Variants in ALX1 observed in about 807,000 individuals in gnomAD.
ALX1 encodes ALX homeobox 1.
In ALX1, 19 loss-of-function variants were observed where a neutral mutation model predicts 31.7. The observed-to-expected ratio is 0.60, with a 90% confidence interval of 0.42 to 0.88. The LOEUF (loss-of-function observed/expected upper bound fraction) is 0.88, where lower values mean the gene tolerates loss of function less well. Ranked by LOEUF, ALX1 falls within the 40% of genes least tolerant of loss-of-function variation. The pLI, the probability that ALX1 is intolerant of heterozygous loss-of-function variation, is 0.00. For missense variants in ALX1, 415 were observed against 407.8 expected (o/e 1.02, Z -0.15); for synonymous variants, 153 against 148.8 (o/e 1.03, Z -0.20).
chr12:85,296,330 A>AT (rs1896886877), intron 3 of ALX1, among the ~76,000 whole-genome samples: 1 of 151,590 alleles, frequency 6.6e-6, no homozygotes, highest in Non-Finnish European at 1.5e-5. Flanking sequence ...ATATTTATGT[A>AT]TTTTCCCTTC....
chr12:85,295,867 T>C (rs1896881167), intron 3 of ALX1, among the ~76,000 whole-genome samples: 1 of 151,622 alleles, frequency 6.6e-6, no homozygotes, highest in African/African-American at 2.4e-5. Context: ...AATTAGTTGT[T>C]TTGGAGATGC....
intron 1 of ALX1, 124 bp downstream of exon 1, chr12:85,280,611 G>A: frequency 1.0e-6 from 1 of 989,180 alleles, no homozygotes; most frequent in Non-Finnish European, 1.5e-6. Context: ...GGAAGGTGGA[G>A]GAAGGTAGTG....
Position 85,301,405 on chromosome 12 carries a change from G to A in ALX1, c.911G>A (p.Arg304Lys). The change falls in exon 4 of 4, where the codon AGG becomes AAG. Residue 304 changes from arginine to lysine, a missense_variant. Transcript: ENST00000316824. ...AFETKPEFER[R>K]SSSIAVLRMK... The stretch of plus-strand genomic sequence containing the variant: ...GAAACAAAGCCAGAGTTTGAAAGGA[G>A]GTCTTCCAGTATCGCAGTTCTTCGA... 1 of 1,614,060 alleles carries A rather than the reference G, an allele frequency of 6.2e-7. No homozygotes were observed. The highest frequency in any genetic ancestry group is 8.5e-7 in the Non-Finnish European group (1 of 1,179,984).
Position 85,287,081 on chromosome 12 carries a change from C to A in ALX1, c.660+100C>A, listed in dbSNP as rs977903162. 8 of 1,339,768 alleles carry A rather than the reference C, an allele frequency of 6.0e-6. No homozygotes were observed. In the Admixed American group the frequency reaches 1.3e-4, roughly 22 times the overall value. 83.0% of individuals were successfully genotyped at this position (1,339,768 alleles called of 1,614,324 possible). A position where few individuals can be genotyped will look rare whatever the true frequency, so the allele number is the denominator to read the frequency against. On this transcript the variant is annotated intron_variant, in intron 3 of 3. Coordinates refer to ENST00000316824, the MANE Select transcript of ALX1 (RefSeq NM_006982.3). ...GCTTTATTATATGTAAGATAATAGCCAAGAATGAAAATCTAAGCTTCAGAA... is the reference window on the plus strand; with the variant it reads ...GCTTTATTATATGTAAGATAATAGCAAAGAATGAAAATCTAAGCTTCAGAA...
At chr12:85,284,598 T>G (rs1310061548) in intron 2 of ALX1, among the ~76,000 whole-genome samples, 1 of 152,152 alleles carries the variant, frequency 6.6e-6, no homozygotes, top group Non-Finnish European at 1.5e-5. Context: ...ATTCTAGTTA[T>G]TAAATTGGAT....
rs191191612 is a variant in ALX1, at chr12:85,281,913, T to C, written c.226+1426T>C. ...ATGGACTTGATCATAATATTTTATT[T>C]TGAATAGTCGAGAATCCAAAATAAG... On this transcript the variant is annotated intron_variant, in intron 1 of 3. Coordinates refer to ENST00000316824, the MANE Select transcript of ALX1 (RefSeq NM_006982.3). 2.2e-3 allele frequency among the ~76,000 whole-genome samples: 332 copies of C among 152,316 alleles called. 2 individuals carry two copies. Among genetic ancestry groups the C allele is most frequent in the African/African-American group, 7.8e-3 (324 of 41,568 alleles).
At chr12:85,296,068 T>C (rs1896884034) in intron 3 of ALX1, among the ~76,000 whole-genome samples, 1 of 151,548 alleles carries the variant, frequency 6.6e-6, no homozygotes, top group South Asian at 2.1e-4. Flanking sequence ...CACTATTCTT[T>C]TAAAAGGCTT....
chr12:85,301,506 A>C lies in ALX1; in HGVS notation c.*31A>C. 6.2e-7 allele frequency: 1 copy of C among 1,601,574 alleles called. No individual in the cohort carries two copies. The highest frequency in any genetic ancestry group is 1.3e-5 in the African/African-American group (1 of 74,824). ...AGTACTCTTTTATTTTTCTTTTAAT[A>C]GCAAAGTTAAACATTCTTATTTCTC... On this transcript the variant is annotated 3_prime_UTR_variant, in exon 4 of 4. Coordinates refer to ENST00000316824, the MANE Select transcript of ALX1 (RefSeq NM_006982.3).
chr12:85,285,327 T>C (rs1243864517), intron 2 of ALX1, among the ~76,000 whole-genome samples: 1 of 151,960 alleles, frequency 6.6e-6, no homozygotes, highest in East Asian at 1.9e-4. Flanking sequence ...CTATTACTCA[T>C]TTTAAGGAAA....
At chr12:85,281,501 C>T (rs935183878) in intron 1 of ALX1, among the ~76,000 whole-genome samples, 6 of 152,180 alleles carry the variant, frequency 3.9e-5, no homozygotes, top group African/African-American at 1.4e-4. Flanking sequence ...AACAAGCCCC[C>T]TGCCCCCTAT....
At chr12:85,282,451 GT>G (rs1467594225) in intron 1 of ALX1, among the ~76,000 whole-genome samples, 2 of 151,882 alleles carry the variant, frequency 1.3e-5, no homozygotes, top group African/African-American at 4.8e-5. Flanking sequence ...AGCTATTGAA[GT>G]TATATGCGCA....
intron 2 of ALX1, 61 bp from the exon 3 acceptor site, chr12:85,286,792 C>T: frequency 7.1e-7 from 1 of 1,411,656 alleles, no homozygotes; most frequent in Non-Finnish European, 9.7e-7. Flanking sequence ...TGTCTTTTAA[C>T]ATCACATTTG....
chr12:85,283,571 G>A lies in ALX1; in HGVS notation c.227-1G>A, dbSNP rs748124523. 1 of 1,614,042 alleles carries A rather than the reference G, an allele frequency of 6.2e-7. No homozygotes were observed. The highest frequency in any genetic ancestry group is 1.1e-5 in the South Asian group (1 of 91,080). ...TGTTGTTTTTCCTCCTCTGGGTACA[G>A]TGAACTATGGGATCACTAAAGTAGA... is the stretch of plus-strand genomic sequence containing the variant. On this transcript the variant is annotated splice_acceptor_variant, in intron 1 of 3. Transcript: ENST00000316824. LOFTEE classifies it high-confidence loss of function.
intron 1 of ALX1, 46 bp from the exon 2 acceptor site, chr12:85,283,526 A>G (rs757478136): frequency 6.3e-7 from 1 of 1,586,514 alleles, no homozygotes; most frequent in Admixed American, 1.7e-5. Flanking sequence ...AATTGAGATG[A>G]GTTTCACAAT....
intron 1 of ALX1, among the ~76,000 whole-genome samples, chr12:85,280,759 C>T (rs993355047): frequency 2.6e-5 from 4 of 152,044 alleles, no homozygotes; most frequent in African/African-American, 9.7e-5. Flanking sequence ...CCTACGGATC[C>T]CTGAGTCCTT....
chr12:85,282,544 G>A (rs1035683332), intron 1 of ALX1, among the ~76,000 whole-genome samples: 1 of 152,138 alleles, frequency 6.6e-6, no homozygotes, highest in South Asian at 2.1e-4. Context: ...AGAAACAAAT[G>A]AAAAAAGTAT....
chr12:85,298,378 A>T (rs556462874), intron 3 of ALX1, among the ~76,000 whole-genome samples: 92 of 151,932 alleles, frequency 6.1e-4, no homozygotes, highest in Non-Finnish European at 1.1e-3. Flanking sequence ...ATTGGTAACC[A>T]TTAGCTATAA....
intron 3 of ALX1, among the ~76,000 whole-genome samples, chr12:85,292,886 A>T (rs1464435572): frequency 6.6e-6 from 1 of 150,912 alleles, no homozygotes; most frequent in Non-Finnish European, 1.5e-5. Context: ...TAATTTTGTC[A>T]CTATAATTTC....
At chr12:85,291,445 C>T (rs1360433444) in intron 3 of ALX1, among the ~76,000 whole-genome samples, 1 of 151,032 alleles carries the variant, frequency 6.6e-6, no homozygotes, top group Non-Finnish European at 1.5e-5. Flanking sequence ...AGTGATATTA[C>T]ATTTTAACTT....
Sources: gnomAD v4.1 joint callset for allele counts (sites outside exome capture counted in the v4.1 genomes callset) on GRCh38, gnomAD v4.1.1 for gene constraint, MANE v1.5 for transcripts, NCBI Gene and HGNC (gene_info 2026-07-23, HGNC 2026-07-21) for gene names.